Variants in EPHB1 observed in about 807,000 individuals in gnomAD.
The protein encoded by EPHB1 is ephrin type-B receptor 1.
EPHB1 carries 30 observed loss-of-function variants against 94.4 expected under a neutral mutation model. The ratio of observed to expected loss-of-function variants is 0.32; its 90% CI spans 0.24 to 0.43. EPHB1 has a LOEUF of 0.43. Ranked by LOEUF, EPHB1 falls within the 20% of genes least tolerant of loss-of-function variation. The pLI, the probability that EPHB1 is intolerant of heterozygous loss-of-function variation, is 1.00. For missense variants in EPHB1, 1,055 were observed against 1,308.3 expected, an observed-to-expected ratio of 0.81 and a Z score of 2.99; for synonymous variants, 522 against 489.1, an observed-to-expected ratio of 1.07 and a Z score of -0.89.
intron 3 of EPHB1, among the ~76,000 whole-genome samples, chr3:135,083,473 T>G (rs977733145): frequency 2.0e-5 from 3 of 151,992 alleles, no homozygotes; most frequent in African/African-American, 4.8e-5. Flanking sequence ...TTGAGACATT[T>G]GCCTTAGGCT....
chr3:134,881,030 T>C (rs1467773766), intron 1 of EPHB1, among the ~76,000 whole-genome samples: 1 of 152,066 alleles, frequency 6.6e-6, no homozygotes, highest in Non-Finnish European at 1.5e-5. Flanking sequence ...TCAAGGATAG[T>C]AGAGGGGACT....
At chr3:134,994,036 G>T (rs910515692) in intron 3 of EPHB1, among the ~76,000 whole-genome samples, 1 of 152,114 alleles carries the variant, frequency 6.6e-6, no homozygotes, top group East Asian at 1.9e-4. Context: ...GAAGCCCTCC[G>T]GGGTTAGGTA....
chr3:135,256,569 G>A (rs1933400992), intron 15 of EPHB1, among the ~76,000 whole-genome samples: 1 of 152,098 alleles, frequency 6.6e-6, no homozygotes, highest in Admixed American at 6.6e-5. Flanking sequence ...TGACTTGTAG[G>A]GTTTCTGCCG....
rs147087678 is a variant in EPHB1, at chr3:134,818,594, C to G, written c.58+22905C>G. Among the ~76,000 whole-genome samples, 474 of 152,324 alleles carry G rather than the reference C, an allele frequency of 3.1e-3. 3 individuals carry two copies. The highest frequency in any genetic ancestry group is 0.011 in the African/African-American group (451 of 41,566). The stretch of plus-strand genomic sequence containing the variant: ...TGTATCCTTGTTATGCCTTTGCATC[C>G]TCATAGCTTAGCTCCCACGTATCAG... On this transcript the variant is annotated intron_variant, in intron 1 of 15. Coordinates refer to ENST00000398015, the MANE Select transcript of EPHB1 (RefSeq NM_004441.5).
chr3:134,921,950 G>A (rs1283177259), intron 1 of EPHB1, among the ~76,000 whole-genome samples: 2 of 152,172 alleles, frequency 1.3e-5, no homozygotes, highest in Admixed American at 1.3e-4. Flanking sequence ...TCTAGGTAGT[G>A]AAGATGGGAC....
intron 5 of EPHB1, 36 bp from the exon 6 acceptor site, chr3:135,154,116 T>C (rs1296120040): frequency 1.2e-6 from 2 of 1,613,196 alleles, no homozygotes; most frequent in Non-Finnish European, 1.7e-6. Context: ...TAATTGAGTG[T>C]CTGTTCAGCT....
At chr3:134,987,703 G>A (rs1331547864) in intron 3 of EPHB1, among the ~76,000 whole-genome samples, 5 of 152,122 alleles carry the variant, frequency 3.3e-5, no homozygotes, top group South Asian at 2.1e-4. Flanking sequence ...CCCGGGAAGC[G>A]CAGATTGCAG....
At chr3:134,804,559 G>C (rs73861951) in intron 1 of EPHB1, among the ~76,000 whole-genome samples, 166 of 152,076 alleles carry the variant, frequency 1.1e-3, no homozygotes, top group African/African-American at 3.4e-3. Context: ...GGGTGTGTGT[G>C]GGGGGGAGGA....
At chr3:134,954,322 G>T (rs142603783) in intron 3 of EPHB1, among the ~76,000 whole-genome samples, 3 of 152,152 alleles carry the variant, frequency 2.0e-5, no homozygotes, top group Non-Finnish European at 2.9e-5. Context: ...ACTCTTTGGT[G>T]GGGGGTGGGA....
chr3:134,899,624 C>T (rs2107689189), intron 1 of EPHB1, among the ~76,000 whole-genome samples: 1 of 152,264 alleles, frequency 6.6e-6, no homozygotes, highest in Non-Finnish European at 1.5e-5. Flanking sequence ...CCACTCAAAA[C>T]ACACTCTTAG....
At chr3:134,884,193 G>C (rs2037816193) in intron 1 of EPHB1, among the ~76,000 whole-genome samples, 1 of 152,210 alleles carries the variant, frequency 6.6e-6, no homozygotes, top group African/African-American at 2.4e-5. Flanking sequence ...GTCACCACTG[G>C]CTGAGTCCCA....
chr3:134,871,433 G>A (rs2037497832), intron 1 of EPHB1, among the ~76,000 whole-genome samples: 1 of 152,134 alleles, frequency 6.6e-6, no homozygotes, highest in Non-Finnish European at 1.5e-5. Context: ...TGAGGGGAAA[G>A]AACTGCAAGC....
At chr3:135,068,137 G>C (rs544513831) in intron 3 of EPHB1, among the ~76,000 whole-genome samples, 1 of 152,270 alleles carries the variant, frequency 6.6e-6, no homozygotes, top group South Asian at 2.1e-4. Context: ...TATTCCTGCA[G>C]TCATTCTGGA....
intron 2 of EPHB1, among the ~76,000 whole-genome samples, chr3:134,926,823 G>A (rs2038800679): frequency 6.6e-6 from 1 of 152,166 alleles, no homozygotes; most frequent in African/African-American, 2.4e-5. Context: ...GCATTTAAGA[G>A]GCTCTTTCAG....
At chr3:135,158,075 G>C (rs992475611) in intron 6 of EPHB1, among the ~76,000 whole-genome samples, 2 of 152,174 alleles carry the variant, frequency 1.3e-5, no homozygotes, top group African/African-American at 4.8e-5. Flanking sequence ...CTCAAAATTA[G>C]TGTGGCTCCC....
chr3:135,191,043 A>G (rs553099937), intron 10 of EPHB1, among the ~76,000 whole-genome samples: 166 of 151,994 alleles, frequency 1.1e-3, no homozygotes, highest in African/African-American at 3.8e-3. Context: ...GAGCTCGAGT[A>G]TAGCATGAGC....
chr3:135,086,118 A>C (rs1417223447), intron 3 of EPHB1, among the ~76,000 whole-genome samples: 1 of 151,994 alleles, frequency 6.6e-6, no homozygotes, highest in East Asian at 1.9e-4. Context: ...CACACAAAAG[A>C]GATATGAGAG....
intron 3 of EPHB1, among the ~76,000 whole-genome samples, chr3:135,025,068 T>G (rs1379900408): frequency 6.6e-6 from 1 of 151,348 alleles, no homozygotes; most frequent in Non-Finnish European, 1.5e-5. Context: ...GTAGCGTGTT[T>G]AGATTATTAT....
intron 3 of EPHB1, among the ~76,000 whole-genome samples, chr3:135,032,450 G>C (rs144965072): frequency 1.1e-3 from 168 of 151,762 alleles, no homozygotes; most frequent in African/African-American, 3.8e-3. Flanking sequence ...ATTTATTCTA[G>C]TTTTAGACAT....
Sources: allele counts gnomAD v4.1 joint callset (sites outside exome capture counted in the v4.1 genomes callset), GRCh38; gene constraint gnomAD v4.1.1; transcripts MANE v1.5; gene names NCBI Gene and HGNC (gene_info 2026-07-23, HGNC 2026-07-21).